OCIAD1: variants seen among roughly 807,000 people sequenced by gnomAD.
OCIAD1 encodes OCIA domain-containing protein 1.
OCIAD1 carries 29 observed loss-of-function variants against 38.9 expected under a neutral mutation model. That is an observed-to-expected ratio of 0.74 (90% CI 0.55 to 1.02). OCIAD1 has a LOEUF of 1.02. Among genes scored for constraint, OCIAD1 ranks in the 50% least tolerant of loss-of-function variants. The pLI is 0.00. For synonymous variants in OCIAD1, 110 were observed against 92.0 expected (o/e 1.20, Z -1.12); for missense variants, 288 against 289.6 (o/e 0.99, Z 0.04).
chr4:48,805,716 C>G (rs1417225227), intron 1 of OCIAD1, among the ~76,000 whole-genome samples: 1 of 151,506 alleles, frequency 6.6e-6, no homozygotes, highest in Non-Finnish European at 1.5e-5. Context: ...AGAAATCTCT[C>G]TTGTCCCTTT....
intron 6 of OCIAD1, among the ~76,000 whole-genome samples, chr4:48,851,310 A>G (rs1192682681): frequency 2.0e-5 from 3 of 152,236 alleles, no homozygotes; most frequent in African/African-American, 4.8e-5. Context: ...TTTAAGATGT[A>G]TAAGTGGGTC....
chr4:48,823,716 G>A (rs376024935), intron 1 of OCIAD1, among the ~76,000 whole-genome samples: 26 of 151,452 alleles, frequency 1.7e-4, no homozygotes, highest in African/African-American at 6.1e-4. Context: ...AGGCTGGAGT[G>A]CAGTGGCATT....
intron 1 of OCIAD1, among the ~76,000 whole-genome samples, chr4:48,816,941 G>A (rs1470711513): frequency 6.6e-6 from 1 of 152,216 alleles, no homozygotes; most frequent in Non-Finnish European, 1.5e-5. Flanking sequence ...CTGCACTCCA[G>A]CCTGGGTGAC....
intron 3 of OCIAD1, among the ~76,000 whole-genome samples, chr4:48,833,954 A>G (rs1777756550): frequency 6.6e-6 from 1 of 152,130 alleles, no homozygotes; most frequent in East Asian, 1.9e-4. Flanking sequence ...CCATTTTATC[A>G]TTGTGAAATG....
intron 6 of OCIAD1, among the ~76,000 whole-genome samples, chr4:48,851,420 G>T (rs1779449897): frequency 6.6e-6 from 1 of 152,232 alleles, no homozygotes; most frequent in Non-Finnish European, 1.5e-5. Flanking sequence ...AGACGCGGTG[G>T]CTCATGCCAG....
chr4:48,841,625 A>G (rs755420732), intron 3 of OCIAD1, among the ~76,000 whole-genome samples: 1 of 152,188 alleles, frequency 6.6e-6, no homozygotes, highest in Non-Finnish European at 1.5e-5. Context: ...TTGTACAAAC[A>G]GTTTGGGCAC....
intron 6 of OCIAD1, among the ~76,000 whole-genome samples, chr4:48,850,671 T>A (rs1259016575): frequency 6.6e-6 from 1 of 152,198 alleles, no homozygotes; most frequent in Non-Finnish European, 1.5e-5. Context: ...CCTCCTGGGC[T>A]CAAGTGATCC....
chr4:48,836,116 G>A lies in OCIAD1; in HGVS notation c.139+2635G>A, dbSNP rs75199217. 2.3e-3 allele frequency among the ~76,000 whole-genome samples: 356 copies of A among 152,318 alleles called. 1 individual carries two copies. The highest frequency in any genetic ancestry group is 8.3e-3 in the African/African-American group (343 of 41,574). ...AGGAAGGTTAGTTAACAGTGTGCAA[G>A]ATGGGTAGAAGGGTGAGAAGTTGTA... On this transcript the variant is annotated intron_variant, in intron 3 of 8. Coordinates refer to ENST00000264312, the MANE Select transcript of OCIAD1 (RefSeq NM_017830.4).
At chr4:48,848,305 G>T in intron 4 of OCIAD1, 94 bp from the exon 5 acceptor site, 1 of 633,776 alleles carries the variant, frequency 1.6e-6, no homozygotes. Flanking sequence ...ATCATGGAAG[G>T]AGCTAATGTT....
chr4:48,819,927 C>G (rs1219456688), intron 1 of OCIAD1, among the ~76,000 whole-genome samples: 1 of 152,036 alleles, frequency 6.6e-6, no homozygotes, highest in Non-Finnish European at 1.5e-5. Context: ...TACAAAGAGA[C>G]TTGGACTCCC....
chr4:48,820,398 A>G (rs1777183453), intron 1 of OCIAD1, among the ~76,000 whole-genome samples: 1 of 152,222 alleles, frequency 6.6e-6, no homozygotes, highest in Non-Finnish European at 1.5e-5. Context: ...ACACAGCTAA[A>G]GTGGTGTTAA....
At chr4:48,826,778 C>CA (rs1354133369), upstream of OCIAD1, among the ~76,000 whole-genome samples, 1 of 152,136 alleles carries the variant, frequency 6.6e-6, no homozygotes, top group Non-Finnish European at 1.5e-5. Context: ...CTCCAGCTAC[C>CA]ACTCTATCTT....
rs1427447591 is a variant in OCIAD1, at chr4:48,831,245, G to A, written c.-10G>A. The A allele has an allele frequency of 5.9e-6, 2 of 340,604 alleles. No homozygotes were observed. Among genetic ancestry groups the A allele is most frequent in the Admixed American group, 4.0e-5 (1 of 25,132 alleles). The allele number at this position is 340,604 out of a possible 1,614,324, so 21.1% of individuals were successfully genotyped here. On this transcript the variant is annotated 5_prime_UTR_variant, in exon 1 of 9. Coordinates refer to ENST00000264312, the MANE Select transcript of OCIAD1 (RefSeq NM_017830.4). ...CTTGCAGTCGCCTGCTGCTGTCGTC[G>A]GGAGGTGGGTGAGGTGACGCAAACA...
At chr4:48,832,038 T>C (rs1560415562) in intron 1 of OCIAD1, among the ~76,000 whole-genome samples, 2 of 152,336 alleles carry the variant, frequency 1.3e-5, no homozygotes, top group African/African-American at 2.4e-5. Flanking sequence ...TTTTTTCTTA[T>C]ATTCTTGGGG....
rs1160675819 is a variant in OCIAD1, at chr4:48,860,738, G to A, written c.714G>A (p.Lys238=). The change falls in exon 9 of 9, where the codon AAG becomes AAA. Residue 238 remains lysine, a synonymous_variant. Transcript: ENST00000264312. ...RVPKKEVKVN[K]YGDTWDE is the part of the protein sequence containing the mutation. Reference sequence around the variant, plus strand: ...CTTTTTTCCTAGTCAAAGTAAACAAGTATGGAGATACTTGGGATGAGTGAA... The same window carrying A: ...CTTTTTTCCTAGTCAAAGTAAACAAATATGGAGATACTTGGGATGAGTGAA... 6.2e-7 allele frequency: 1 copy of A among 1,603,060 alleles called. No individual in the cohort carries two copies. Among genetic ancestry groups the A allele is most frequent in the African/African-American group, 1.3e-5 (1 of 74,562 alleles).
intron 1 of OCIAD1, chr4:48,805,467 A>C (rs1777014983): frequency 6.6e-6 from 1 of 152,224 alleles, no homozygotes; most frequent in South Asian, 2.1e-4. Context: ...TGGATAACTA[A>C]TACAGGGACT....
upstream of OCIAD1, among the ~76,000 whole-genome samples, chr4:48,829,292 C>T (rs1777303405): frequency 6.6e-6 from 1 of 151,732 alleles, no homozygotes; most frequent in Non-Finnish European, 1.5e-5. Flanking sequence ...TTTGCTTTAA[C>T]ATAAAGCTCA....
chr4:48,811,126 G>T (rs916319567), intron 1 of OCIAD1, among the ~76,000 whole-genome samples: 5 of 152,058 alleles, frequency 3.3e-5, no homozygotes, highest in African/African-American at 4.8e-5. Flanking sequence ...CAAAGTGCTG[G>T]CATTACAGGC....
intron 3 of OCIAD1, among the ~76,000 whole-genome samples, chr4:48,841,059 G>A (rs1342373785): frequency 6.6e-6 from 1 of 152,060 alleles, no homozygotes; most frequent in Non-Finnish European, 1.5e-5. Flanking sequence ...CAAAGGAAAA[G>A]AATATTTCAT....
Sources: gnomAD v4.1 joint callset for allele counts (sites outside exome capture counted in the v4.1 genomes callset) on GRCh38, gnomAD v4.1.1 for gene constraint, MANE v1.5 for transcripts, NCBI Gene and HGNC (gene_info 2026-07-23, HGNC 2026-07-21) for gene names.